Variants in ZFYVE1 observed in about 807,000 individuals in gnomAD.
The protein encoded by ZFYVE1 is zinc finger FYVE domain-containing protein 1.
In ZFYVE1, 30 loss-of-function variants were observed where a neutral mutation model predicts 74.4. That is an observed-to-expected ratio of 0.40 (90% CI 0.30 to 0.55). ZFYVE1 has a LOEUF of 0.55. Ranked by LOEUF, ZFYVE1 falls within the 20% of genes least tolerant of loss-of-function variation. The pLI, the probability that ZFYVE1 is intolerant of heterozygous loss-of-function variation, is 0.42. For synonymous variants in ZFYVE1, 335 were observed against 385.1 expected (o/e 0.87, Z 1.52); for missense variants, 703 against 1,011.6 (o/e 0.69, Z 4.14).
At chr14:73,000,130 C>A (rs781458398) in intron 2 of ZFYVE1, among the ~76,000 whole-genome samples, 1 of 152,052 alleles carries the variant, frequency 6.6e-6, no homozygotes, top group Non-Finnish European at 1.5e-5. Context: ...ACAAAGAAAT[C>A]TTACAACTCA....
At chr14:72,978,271 T>C (rs777444808) in intron 6 of ZFYVE1, 37 bp from the exon 7 acceptor site, 22 of 1,601,014 alleles carry the variant, frequency 1.4e-5, no homozygotes, top group Non-Finnish European at 1.6e-5. Context: ...TATTGTTTGT[T>C]TTTTGTTTGT....
intron 2 of ZFYVE1, among the ~76,000 whole-genome samples, chr14:73,008,363 T>C (rs1409928504): frequency 2.6e-5 from 4 of 152,158 alleles, no homozygotes; most frequent in Non-Finnish European, 5.9e-5. Context: ...TTCTCCATGT[T>C]GGTCAGGCTG....
At chr14:72,986,163 TG>T (rs1363250369) in intron 4 of ZFYVE1, among the ~76,000 whole-genome samples, 6 of 152,208 alleles carry the variant, frequency 3.9e-5, no homozygotes, top group Admixed American at 2.6e-4. Context: ...TGGGGGCATT[TG>T]TAAGTATCTC....
intron 2 of ZFYVE1, among the ~76,000 whole-genome samples, chr14:73,001,673 T>C (rs1893875095): frequency 1.3e-5 from 2 of 152,140 alleles, no homozygotes; most frequent in Non-Finnish European, 2.9e-5. Flanking sequence ...GCAAATATTT[T>C]CCCTAGAGAA....
intron 8 of ZFYVE1, among the ~76,000 whole-genome samples, chr14:72,977,072 A>C: frequency 6.6e-6 from 1 of 152,092 alleles, no homozygotes; most frequent in East Asian, 1.9e-4. Flanking sequence ...ACTGCCTCAC[A>C]AACAGATTTG....
chr14:73,016,647 C>T (rs1431142606), intron 2 of ZFYVE1, among the ~76,000 whole-genome samples: 1 of 151,720 alleles, frequency 6.6e-6, no homozygotes, highest in Non-Finnish European at 1.5e-5. Context: ...TTTGGGAGGC[C>T]GAGGCTGGTG....
chr14:73,005,923 A>ATT (rs879743746), intron 2 of ZFYVE1, among the ~76,000 whole-genome samples: 3 of 143,304 alleles, frequency 2.1e-5, no homozygotes, highest in Non-Finnish European at 3.1e-5. Flanking sequence ...ATCAAAACAC[A>ATT]TTTTTTTTTT....
chr14:73,013,477 A>G (rs2333019), intron 2 of ZFYVE1, among the ~76,000 whole-genome samples: 75,117 of 151,620 alleles, frequency 0.5, 19,229 homozygotes, highest in African/African-American at 0.6. Context: ...GCATGGTGGC[A>G]GGTGCCTGTA....
intron 5 of ZFYVE1, 75 bp from the exon 6 acceptor site, chr14:72,979,044 G>A (rs1893255368): frequency 2.2e-6 from 3 of 1,338,274 alleles, no homozygotes; most frequent in Non-Finnish European, 3.2e-6. Flanking sequence ...GCCTGACCCT[G>A]AGCCAGGCAC....
intron 5 of ZFYVE1, among the ~76,000 whole-genome samples, chr14:72,980,761 G>A (rs1227699394): frequency 6.6e-6 from 1 of 151,940 alleles, no homozygotes; most frequent in African/African-American, 2.4e-5. Flanking sequence ...GTAGAGACAG[G>A]GTTTCACCAT....
At chr14:73,006,290 C>A (rs574391909) in intron 2 of ZFYVE1, among the ~76,000 whole-genome samples, 4 of 149,740 alleles carry the variant, frequency 2.7e-5, no homozygotes, top group African/African-American at 4.9e-5. Context: ...CTAATCTTTA[C>A]GAGGCTGGGC....
At chr14:72,995,302 G>A (rs1893717927) in intron 3 of ZFYVE1, among the ~76,000 whole-genome samples, 1 of 152,118 alleles carries the variant, frequency 6.6e-6, no homozygotes, top group African/African-American at 2.4e-5. Flanking sequence ...TCACCATGTT[G>A]GCCAGGCTGG....
intron 2 of ZFYVE1, among the ~76,000 whole-genome samples, chr14:73,016,600 G>A (rs543347129): frequency 3.9e-5 from 6 of 152,074 alleles, no homozygotes; most frequent in Admixed American, 2.0e-4. Flanking sequence ...CAATGAATAC[G>A]GCCAGATGCA....
At chr14:72,983,113 G>A (rs1893380545) in intron 4 of ZFYVE1, among the ~76,000 whole-genome samples, 1 of 152,042 alleles carries the variant, frequency 6.6e-6, no homozygotes, top group Non-Finnish European at 1.5e-5. Context: ...ACAAAGTGCT[G>A]GGATTACAGA....
At chr14:73,026,428 C>T (rs1236924173) in intron 1 of ZFYVE1, among the ~76,000 whole-genome samples, 2 of 152,152 alleles carry the variant, frequency 1.3e-5, no homozygotes, top group African/African-American at 2.4e-5. Context: ...ATCTATCAAC[C>T]TTATTTTCAG....
chr14:73,012,230 C>T (rs1437938671), intron 2 of ZFYVE1, among the ~76,000 whole-genome samples: 1 of 152,026 alleles, frequency 6.6e-6, no homozygotes, highest in African/African-American at 2.4e-5. Context: ...ATGTAGGTAA[C>T]AGTTAACTGA....
At chr14:73,022,881 T>C (rs1894346231) in intron 2 of ZFYVE1, among the ~76,000 whole-genome samples, 1 of 151,800 alleles carries the variant, frequency 6.6e-6, no homozygotes, top group Admixed American at 6.6e-5. Context: ...CAAGAAAATA[T>C]GAAGAGACCA....
intron 2 of ZFYVE1, among the ~76,000 whole-genome samples, chr14:73,016,655 G>T (rs1894209254): frequency 6.6e-6 from 1 of 151,834 alleles, no homozygotes; most frequent in Admixed American, 6.6e-5. Flanking sequence ...GCCGAGGCTG[G>T]TGGATCACCT....
At chr14:72,977,889 C>T in intron 8 of ZFYVE1, 38 bp downstream of exon 8, 1 of 1,603,970 alleles carries the variant, frequency 6.2e-7, no homozygotes, top group Non-Finnish European at 8.5e-7. Context: ...CTGAACGACA[C>T]AAGATAAAGA....
Sources: gnomAD v4.1 joint callset for allele counts (sites outside exome capture counted in the v4.1 genomes callset) on GRCh38, gnomAD v4.1.1 for gene constraint, MANE v1.5 for transcripts, NCBI Gene and HGNC (gene_info 2026-07-23, HGNC 2026-07-21) for gene names.